The following AUTS2 variants were observed in gnomAD, a reference collection of about 807,000 sequenced individuals.
AUTS2 encodes the protein activator of transcription and developmental regulator AUTS2.
A neutral mutation model predicts 112.4 loss-of-function variants in AUTS2; 17 were observed. That is an observed-to-expected ratio of 0.15 (90% CI 0.10 to 0.23). The LOEUF is 0.23. Ranked by LOEUF, AUTS2 falls within the 10% of genes least tolerant of loss-of-function variation. The pLI is 1.00. For missense variants in AUTS2, 1,510 were observed against 1,701.6 expected, an observed-to-expected ratio of 0.89 and a Z score of 1.98; for synonymous variants, 751 against 702.7, an observed-to-expected ratio of 1.07 and a Z score of -1.09.
intron 1 of AUTS2, among the ~76,000 whole-genome samples, chr7:69,708,517 C>G (rs551942631): frequency 2.0e-5 from 3 of 152,254 alleles, no homozygotes; most frequent in Admixed American, 2.0e-4. Context: ...AGTGGCTCTT[C>G]CAAGGACACA....
intron 4 of AUTS2, among the ~76,000 whole-genome samples, chr7:70,135,111 G>T (rs1806482700): frequency 6.6e-6 from 1 of 152,092 alleles, no homozygotes; most frequent in African/African-American, 2.4e-5. Flanking sequence ...AAAATGCAAA[G>T]TTTATTTCTG....
At chr7:70,261,017 G>A (rs1202992176) in intron 4 of AUTS2, among the ~76,000 whole-genome samples, 1 of 152,232 alleles carries the variant, frequency 6.6e-6, no homozygotes, top group South Asian at 2.1e-4. Flanking sequence ...AAAGTGCTGG[G>A]ATTACAGGTG....
At chr7:69,968,284 T>A (rs765630095) in intron 2 of AUTS2, among the ~76,000 whole-genome samples, 1 of 152,224 alleles carries the variant, frequency 6.6e-6, no homozygotes, top group Non-Finnish European at 1.5e-5. Flanking sequence ...CCCATAAGGT[T>A]GTCTGACCAT....
intron 5 of AUTS2, among the ~76,000 whole-genome samples, chr7:70,674,279 C>G (rs761566389): frequency 2.6e-5 from 4 of 152,166 alleles, no homozygotes; most frequent in African/African-American, 4.8e-5. Context: ...CTTTCTTTCT[C>G]TTTTTTAAAA....
At chr7:70,785,721 A>T (rs1190304490) in intron 16 of AUTS2, among the ~76,000 whole-genome samples, 1 of 152,278 alleles carries the variant, frequency 6.6e-6, no homozygotes. Flanking sequence ...GCAAAGGAAG[A>T]GTAATACAAA....
chr7:69,948,009 CTGT>C (rs1395698721), intron 2 of AUTS2, among the ~76,000 whole-genome samples: 1 of 152,160 alleles, frequency 6.6e-6, no homozygotes, highest in Non-Finnish European at 1.5e-5. Flanking sequence ...AGTTTTTACT[CTGT>C]TATTATTTCG....
chr7:70,208,609 A>C (rs2129587074), intron 4 of AUTS2, among the ~76,000 whole-genome samples: 1 of 152,200 alleles, frequency 6.6e-6, no homozygotes, highest in Non-Finnish European at 1.5e-5. Flanking sequence ...GCTGTCAAAG[A>C]CGTAACATTC....
chr7:70,711,042 C>T (rs1230939207), intron 6 of AUTS2, among the ~76,000 whole-genome samples: 1 of 152,198 alleles, frequency 6.6e-6, no homozygotes, highest in Admixed American at 6.5e-5. Context: ...TGCCATTTCC[C>T]CGCTGGTCTT....
intron 4 of AUTS2, among the ~76,000 whole-genome samples, chr7:70,182,281 TC>T (rs1334385549): frequency 2.6e-5 from 4 of 152,226 alleles, no homozygotes; most frequent in Non-Finnish European, 4.4e-5. Flanking sequence ...CAGTGTCATT[TC>T]CCTTTCATGC....
At chr7:70,296,022 C>G (rs907135157) in intron 4 of AUTS2, among the ~76,000 whole-genome samples, 1 of 152,098 alleles carries the variant, frequency 6.6e-6, no homozygotes, top group Non-Finnish European at 1.5e-5. Flanking sequence ...AGCCATGCAC[C>G]TTTCCTTCGT....
intron 1 of AUTS2, among the ~76,000 whole-genome samples, chr7:69,669,781 G>A (rs968132954): frequency 1.3e-5 from 2 of 151,854 alleles, no homozygotes; most frequent in African/African-American, 4.8e-5. Flanking sequence ...GTTGTAAGAA[G>A]GATATGGCCC....
chr7:70,309,292 A>G (rs1168695253), intron 4 of AUTS2, among the ~76,000 whole-genome samples: 1 of 152,242 alleles, frequency 6.6e-6, no homozygotes, highest in Non-Finnish European at 1.5e-5. Context: ...TACATTTATG[A>G]AACTTCTCAG....
chr7:69,674,065 A>G (rs558549192), intron 1 of AUTS2, among the ~76,000 whole-genome samples: 1 of 152,356 alleles, frequency 6.6e-6, no homozygotes, highest in South Asian at 2.1e-4. Flanking sequence ...CTGTTTTGCA[A>G]AGGCACATTT....
intron 4 of AUTS2, among the ~76,000 whole-genome samples, chr7:70,427,941 T>C (rs947471243): frequency 2.0e-5 from 3 of 152,204 alleles, no homozygotes; most frequent in Non-Finnish European, 2.9e-5. Context: ...TCCTGAACAA[T>C]TGAAGATTGG....
chr7:69,864,973 C>G (rs952971905), intron 1 of AUTS2, among the ~76,000 whole-genome samples: 1 of 152,152 alleles, frequency 6.6e-6, no homozygotes, highest in Admixed American at 6.5e-5. Context: ...AAGTTTCACT[C>G]TCTGTATTAC....
chr7:70,288,602 C>T (rs1021235566), intron 4 of AUTS2, among the ~76,000 whole-genome samples: 19 of 151,906 alleles, frequency 1.3e-4, no homozygotes, highest in African/African-American at 4.6e-4. Flanking sequence ...TTATTAGGTG[C>T]TCTTAAGTAA....
chr7:69,972,510 T>C (rs923290191), intron 2 of AUTS2, among the ~76,000 whole-genome samples: 2 of 152,194 alleles, frequency 1.3e-5, no homozygotes, highest in Non-Finnish European at 2.9e-5. Context: ...TATTGTCAAG[T>C]CTTAAAACTC....
chr7:69,986,860 AT>A (rs1213565348), intron 2 of AUTS2, among the ~76,000 whole-genome samples: 9 of 152,332 alleles, frequency 5.9e-5, no homozygotes, highest in African/African-American at 2.2e-4. Flanking sequence ...TGTTTGGTGA[AT>A]TTTAAATGCA....
In AUTS2 at chr7:70,531,536, T is replaced by C. The variant is rs544804396; in HGVS notation, c.690+95755T>C. ...GGAAGCTTTTATTCATGGCAGAAGGTGAAGAGGGAGCAGGCATGTCATATG... is the reference window on the plus strand; with the variant it reads ...GGAAGCTTTTATTCATGGCAGAAGGCGAAGAGGGAGCAGGCATGTCATATG... On this transcript the variant is annotated intron_variant, in intron 5 of 18. Coordinates refer to ENST00000342771, the MANE Select transcript of AUTS2 (RefSeq NM_015570.4). Among the ~76,000 whole-genome samples the C allele has an allele frequency of 7.9e-5, 12 of 151,934 alleles. 1 individual carries two copies. Among genetic ancestry groups the C allele is most frequent in the Non-Finnish European group, 1.8e-4 (12 of 68,004 alleles).
Sources: gnomAD v4.1 joint callset for allele counts (sites outside exome capture counted in the v4.1 genomes callset) on GRCh38, gnomAD v4.1.1 for gene constraint, MANE v1.5 for transcripts, NCBI Gene and HGNC (gene_info 2026-07-23, HGNC 2026-07-21) for gene names.